The following DHRS7B variants were observed in gnomAD, a reference collection of about 807,000 sequenced individuals.
The protein encoded by DHRS7B is peroxisomal reductase activating PPAR-gamma.
In DHRS7B, 24 loss-of-function variants were observed where a neutral mutation model predicts 26.4. The ratio of observed to expected loss-of-function variants is 0.91; its 90% confidence interval spans 0.66 to 1.28. The LOEUF (loss-of-function observed/expected upper bound fraction) is 1.28, where lower values mean the gene tolerates loss of function less well. Among genes scored for constraint, DHRS7B ranks in the 50% most tolerant of loss-of-function variants. The pLI is 0.00. For missense variants in DHRS7B, 368 were observed against 419.4 expected, an observed-to-expected ratio of 0.88 and a Z score of 1.07; for synonymous variants, 142 against 166.4, an observed-to-expected ratio of 0.85 and a Z score of 1.13.
chr17:21,139,511 T>A (rs1456108000), intron 1 of DHRS7B, among the ~76,000 whole-genome samples: 1 of 151,922 alleles, frequency 6.6e-6, no homozygotes, highest in Non-Finnish European at 1.5e-5. Flanking sequence ...CTGTCTCTAC[T>A]AAAAATACAA....
At chr17:21,169,953 C>T (rs887912063) in intron 1 of DHRS7B, among the ~76,000 whole-genome samples, 1 of 152,076 alleles carries the variant, frequency 6.6e-6, no homozygotes, top group Non-Finnish European at 1.5e-5. Context: ...TACCCTGAGA[C>T]CTACCTGGTA....
chr17:21,179,035 C>T (rs951094000), intron 3 of DHRS7B, among the ~76,000 whole-genome samples: 2 of 152,208 alleles, frequency 1.3e-5, no homozygotes, highest in African/African-American at 4.8e-5. Context: ...GCCTTGAACT[C>T]CTGGGCTCAA....
chr17:21,172,132 C>T lies in DHRS7B; in HGVS notation c.135C>T (p.Arg45=), dbSNP rs764906576. The change falls in exon 2 of 7, where the codon CGC becomes CGT. Residue 45 remains arginine (R), a synonymous_variant. Coordinates refer to ENST00000395511, the MANE Select transcript of DHRS7B (RefSeq NM_015510.5). The stretch of plus-strand genomic sequence containing the variant: ...TCTTCCGGCTGCTGCAGTGGGTGCG[C>T]GGGAAGGCCTACCTGCGGAATGCTG... ...FGLFRLLQWV[R]GKAYLRNAVV... 10 of 1,613,914 alleles carry T rather than the reference C, an allele frequency of 6.2e-6. No homozygotes were observed. The highest frequency in any genetic ancestry group is 1.6e-4 in the Middle Eastern group (1 of 6,078).
intron 1 of DHRS7B, among the ~76,000 whole-genome samples, chr17:21,130,982 G>C (rs951723555): frequency 2.0e-5 from 3 of 152,068 alleles, no homozygotes; most frequent in Admixed American, 1.3e-4. Flanking sequence ...GATTTTACCT[G>C]AGCTCTCCCT....
chr17:21,140,149 C>A (rs1474157324), intron 1 of DHRS7B, among the ~76,000 whole-genome samples: 1 of 148,328 alleles, frequency 6.7e-6, no homozygotes, highest in Admixed American at 6.7e-5. Context: ...CTCAGCCTCC[C>A]CCTAGCTGGG....
rs999698201 is a variant in DHRS7B, at chr17:21,166,248, C to G, written c.21-5770C>G. 49 of 985,322 alleles carry G rather than the reference C, an allele frequency of 5.0e-5. No homozygotes were observed. In the African/African-American group the frequency reaches 7.3e-4, roughly 15 times the overall value. The allele number at this position is 985,322 out of a possible 1,614,324, so 61.0% of individuals were successfully genotyped here. On this transcript the variant is annotated intron_variant, in intron 1 of 6. Transcript: ENST00000395511. The stretch of plus-strand genomic sequence containing the variant: ...CAGGAGCCTGGTCTGAAATCTCCAG[C>G]CTTCCTTCAGGTTTTATTTTTACTA...
chr17:21,171,055 G>T (rs545127524), intron 1 of DHRS7B, among the ~76,000 whole-genome samples: 73 of 152,152 alleles, frequency 4.8e-4, no homozygotes, highest in Non-Finnish European at 9.1e-4. Flanking sequence ...ACTCGGGGGG[G>T]GCCTTTTGTC....
In DHRS7B at chr17:21,165,651, G is replaced by A. The variant is rs11870320; in HGVS notation, c.21-6367G>A. Reference sequence around the variant, plus strand: ...AATTCACTTTAAGAAGCATATTAAGGCCGGACGTGGTGGCTCAGCATTTTG... The same window carrying A: ...AATTCACTTTAAGAAGCATATTAAGACCGGACGTGGTGGCTCAGCATTTTG... On this transcript the variant is annotated intron_variant, in intron 1 of 6. Transcript: ENST00000395511. 6.9e-3 allele frequency among the ~76,000 whole-genome samples: 1,053 copies of A among 152,180 alleles called. 4 individuals are homozygous for A. The highest frequency in any genetic ancestry group is 0.012 in the Non-Finnish European group (825 of 68,000).
intron 1 of DHRS7B, among the ~76,000 whole-genome samples, chr17:21,135,713 T>C (rs1012860378): frequency 2.0e-5 from 3 of 152,210 alleles, no homozygotes; most frequent in Non-Finnish European, 4.4e-5. Context: ...ATTAAGGAGT[T>C]GGTTAATGCT....
intron 6 of DHRS7B, among the ~76,000 whole-genome samples, chr17:21,189,626 C>G (rs971332175): frequency 6.6e-6 from 1 of 152,254 alleles, no homozygotes; most frequent in African/African-American, 2.4e-5. Flanking sequence ...TGAACCAAGA[C>G]TGCCCATGTC....
chr17:21,137,240 G>C (rs1973364580), intron 1 of DHRS7B, among the ~76,000 whole-genome samples: 1 of 150,194 alleles, frequency 6.7e-6, no homozygotes, highest in Non-Finnish European at 1.5e-5. Context: ...TAAACTGCTG[G>C]AATTATAGGA....
chr17:21,150,722 G>A (rs1242794720), intron 1 of DHRS7B, among the ~76,000 whole-genome samples: 1 of 152,124 alleles, frequency 6.6e-6, no homozygotes, highest in Non-Finnish European at 1.5e-5. Flanking sequence ...CAAATTTAGT[G>A]GCTTAATAAA....
chr17:21,165,941 T>TAAAAAAAAAAAAAAAAAAAAAAAAA, intron 1 of DHRS7B, among the ~76,000 whole-genome samples: 1 of 148,656 alleles, frequency 6.7e-6, no homozygotes, highest in East Asian at 2.0e-4. Flanking sequence ...AAAACCACAT[T>TAAAAAAAAAAAAAAAAAAAAAAAAA]AAAAACCAAA....
chr17:21,188,728 G>T lies in DHRS7B; in HGVS notation c.637G>T (p.Ala213Ser), dbSNP rs760193362. The change falls in exon 6 of 7, where the codon GCA becomes TCA. Residue 213 changes from alanine to serine, a missense_variant. Coordinates refer to ENST00000395511, the MANE Select transcript of DHRS7B (RefSeq NM_015510.5). ...FRSAYAASKH[A>S]TQAFFDCLRA... ...ATGTGTAGATGCAGCCTCCAAGCAC[G>T]CAACCCAGGCTTTCTTTGACTGTCT... The T allele has an allele frequency of 6.2e-7, 1 of 1,600,564 alleles. No individual in the cohort carries two copies.
At chr17:21,142,800 G>A (rs1391110503) in intron 1 of DHRS7B, among the ~76,000 whole-genome samples, 1 of 151,970 alleles carries the variant, frequency 6.6e-6, no homozygotes, top group Non-Finnish European at 1.5e-5. Flanking sequence ...ATCAGAATAT[G>A]CATCTATCTC....
chr17:21,133,269 A>C (rs1259136901), intron 1 of DHRS7B, among the ~76,000 whole-genome samples: 1 of 152,244 alleles, frequency 6.6e-6, no homozygotes, highest in Non-Finnish European at 1.5e-5. Context: ...TGCCCATGAC[A>C]CAGCCTCAGG....
intron 1 of DHRS7B, among the ~76,000 whole-genome samples, chr17:21,136,771 G>A (rs961627906): frequency 8.6e-5 from 13 of 151,824 alleles, no homozygotes; most frequent in African/African-American, 3.1e-4. Flanking sequence ...AGCCAGACTG[G>A]TCTTGAACTC....
At chr17:21,144,345 A>G (rs1973594525) in intron 1 of DHRS7B, among the ~76,000 whole-genome samples, 1 of 152,160 alleles carries the variant, frequency 6.6e-6, no homozygotes, top group Non-Finnish European at 1.5e-5. Context: ...AATCAAACAG[A>G]GGAAGTAAAT....
Position 21,127,002 on chromosome 17 carries a change from G to A in DHRS7B, c.20+11G>A. On this transcript the variant is annotated intron_variant, in intron 1 of 6. Transcript: ENST00000395511. The stretch of plus-strand genomic sequence containing the variant: ...CTCTCCGGCTACCAGGTAGGGGCTG[G>A]GGAAGAAGGAACCTCCGAGATGAGG... 2 of 1,517,224 alleles carry A rather than the reference G, an allele frequency of 1.3e-6. No individual in the cohort carries two copies. The highest frequency in any genetic ancestry group is 2.7e-5 in the East Asian group (1 of 36,924). 94.0% of individuals were successfully genotyped at this position (1,517,224 alleles called of 1,614,324 possible). A position where few individuals can be genotyped will look rare whatever the true frequency, so the allele number is the denominator to read the frequency against.
Sources: allele counts gnomAD v4.1 joint callset (sites outside exome capture counted in the v4.1 genomes callset), GRCh38; gene constraint gnomAD v4.1.1; transcripts MANE v1.5; gene names NCBI Gene and HGNC (gene_info 2026-07-23, HGNC 2026-07-21).